The following SMAD9 variants were observed in gnomAD, a reference collection of about 807,000 sequenced individuals.
The protein encoded by SMAD9 is SMAD family member 9.
SMAD9 carries 36 observed loss-of-function variants against 46.1 expected under a neutral mutation model. The ratio of observed to expected loss-of-function variants is 0.78; its 90% CI spans 0.60 to 1.03. SMAD9 has a LOEUF of 1.03. Among genes scored for constraint, SMAD9 ranks in the 50% least tolerant of loss-of-function variants. The pLI is 0.00. For missense variants in SMAD9, 572 were observed against 599.8 expected (o/e 0.95, Z 0.48); for synonymous variants, 245 against 237.1 (o/e 1.03, Z -0.31).
intron 1 of SMAD9, among the ~76,000 whole-genome samples, chr13:36,893,539 T>C (rs948737974): frequency 6.6e-6 from 1 of 150,880 alleles, no homozygotes; most frequent in South Asian, 2.1e-4. Context: ...AACCCAAATA[T>C]CCATCGACTA....
At chr13:36,876,494 T>C (rs1566024421) in intron 2 of SMAD9, among the ~76,000 whole-genome samples, 1 of 152,258 alleles carries the variant, frequency 6.6e-6, no homozygotes, top group Non-Finnish European at 1.5e-5. Context: ...TCACAGCAAT[T>C]TGACAGAGTT....
chr13:36,856,908 T>A (rs572257425), intron 5 of SMAD9, among the ~76,000 whole-genome samples: 1 of 151,280 alleles, frequency 6.6e-6, no homozygotes, highest in East Asian at 2.0e-4. Flanking sequence ...GTTCAAGCGA[T>A]TCTCCTGCAT....
At chr13:36,902,853 G>A (rs57022862) in intron 1 of SMAD9, among the ~76,000 whole-genome samples, 3,848 of 152,178 alleles carry the variant, frequency 0.025, 155 homozygotes, top group African/African-American at 0.088. Flanking sequence ...GGATATGGAC[G>A]TTTGTCCATT....
intron 3 of SMAD9, among the ~76,000 whole-genome samples, chr13:36,868,257 T>G (rs535567098): frequency 6.6e-6 from 1 of 152,320 alleles, no homozygotes; most frequent in Non-Finnish European, 1.5e-5. Context: ...AGTGGTTGAA[T>G]GTAGCCATGT....
chr13:36,902,585 C>G (rs2058585416), intron 1 of SMAD9, among the ~76,000 whole-genome samples: 1 of 151,982 alleles, frequency 6.6e-6, no homozygotes, highest in African/African-American at 2.4e-5. Context: ...TCCCAAGTAG[C>G]TGAGACTATA....
intron 6 of SMAD9, among the ~76,000 whole-genome samples, chr13:36,850,675 G>A (rs187316018): frequency 5.6e-4 from 85 of 152,232 alleles, no homozygotes; most frequent in African/African-American, 1.9e-3. Flanking sequence ...CACCACGCCC[G>A]GCTCTTCTCA....
At chr13:36,913,507 A>G (rs1345648211) in intron 1 of SMAD9, among the ~76,000 whole-genome samples, 1 of 152,216 alleles carries the variant, frequency 6.6e-6, no homozygotes, top group East Asian at 1.9e-4. Context: ...ACCCCAAGAT[A>G]TAATCAATAC....
intron 2 of SMAD9, among the ~76,000 whole-genome samples, chr13:36,875,417 G>A (rs1033836137): frequency 6.6e-6 from 1 of 152,182 alleles, no homozygotes; most frequent in African/African-American, 2.4e-5. Flanking sequence ...GGGTGGCAGA[G>A]AAACAAATAA....
chr13:36,920,754 T>C (rs2058739426), upstream of SMAD9: 1 of 152,358 alleles, frequency 6.6e-6, no homozygotes, highest in Non-Finnish European at 1.5e-5. Flanking sequence ...TCCTCACATG[T>C]TTCTGGGCCC....
At chr13:36,868,318 A>C (rs933536467) in intron 3 of SMAD9, among the ~76,000 whole-genome samples, 5 of 152,250 alleles carry the variant, frequency 3.3e-5, no homozygotes, top group Non-Finnish European at 7.3e-5. Context: ...CGTGGACCAT[A>C]CTAGGAAACC....
chr13:36,885,875 AG>A (rs1185323357), intron 1 of SMAD9, among the ~76,000 whole-genome samples: 1 of 152,160 alleles, frequency 6.6e-6, no homozygotes, highest in Non-Finnish European at 1.5e-5. Context: ...ACACTGAATT[AG>A]AAAAAGGGGG....
intron 1 of SMAD9, among the ~76,000 whole-genome samples, chr13:36,881,206 T>C (rs968892948): frequency 6.6e-6 from 1 of 152,196 alleles, no homozygotes; most frequent in African/African-American, 2.4e-5. Flanking sequence ...TTCTGTGAAA[T>C]AGTTGGCTTA....
chr13:36,865,230 A>G (rs533656789), intron 5 of SMAD9, among the ~76,000 whole-genome samples: 3 of 152,372 alleles, frequency 2.0e-5, no homozygotes, highest in South Asian at 2.1e-4. Context: ...AAAATAATGC[A>G]TAACACTTCT....
At chr13:36,906,165 T>C (rs1017395463) in intron 1 of SMAD9, among the ~76,000 whole-genome samples, 13 of 152,146 alleles carry the variant, frequency 8.5e-5, no homozygotes, top group Admixed American at 2.6e-4. Context: ...TGCTGTGTCA[T>C]TGAATGTTAT....
Position 36,865,715 on chromosome 13 carries a change from C to T in SMAD9, c.825G>A (p.Ser275=), listed in dbSNP as rs374907507. The part of the protein sequence containing the change: ...VCYEEPQHWC[S]VAYYELNNRV... ...GGTTGTTCAGTTCATAGTAGGCGAC[C>T]GAGCACCAGTGCTGGGGCTCCTCGT... is the stretch of plus-strand genomic sequence containing the variant. The change falls in exon 5 of 7, where the codon TCG becomes TCA. Residue 275 remains serine, a synonymous_variant. Coordinates refer to ENST00000379826, the MANE Select transcript of SMAD9 (RefSeq NM_001127217.3). 96 of 1,613,942 alleles carry T rather than the reference C, an allele frequency of 5.9e-5. No homozygotes were observed. The highest frequency in any genetic ancestry group is 8.8e-5 in the South Asian group (8 of 91,062).
At position 36,872,613 on chromosome 13, in the gene SMAD9, G is replaced by A. The variant is rs908786219; in HGVS notation, c.670+45C>T. The A allele has an allele frequency of 2.5e-6, 4 of 1,602,404 alleles. No individual in the cohort carries two copies. In the African/African-American group the frequency reaches 4.0e-5, roughly 16 times the overall value. On this transcript the variant is annotated intron_variant, in intron 3 of 6. Transcript: ENST00000379826. ...CTGTTCATCATAAATCATGATGTTGGGCTTATTTTCCCGTATTTCCCCACA... is the reference window on the plus strand; with the variant it reads ...CTGTTCATCATAAATCATGATGTTGAGCTTATTTTCCCGTATTTCCCCACA...
chr13:36,849,848 C>CA (rs2058060661), intron 6 of SMAD9: 1 of 152,210 alleles, frequency 6.6e-6, no homozygotes, highest in South Asian at 2.1e-4. Context: ...CCAGAGACAT[C>CA]ATTCCAGCAA....
intron 5 of SMAD9, among the ~76,000 whole-genome samples, chr13:36,858,521 C>T (rs1348236878): frequency 3.9e-5 from 6 of 152,194 alleles, no homozygotes; most frequent in African/African-American, 1.4e-4. Flanking sequence ...ACATGATAAA[C>T]AAGCTTGTTT....
At chr13:36,863,561 AAT>A (rs1434251152) in intron 5 of SMAD9, among the ~76,000 whole-genome samples, 1 of 152,140 alleles carries the variant, frequency 6.6e-6, no homozygotes, top group Non-Finnish European at 1.5e-5. Context: ...TCTGATTCTC[AAT>A]ATTGGAGGTG....
Sources: gnomAD v4.1 joint callset for allele counts (sites outside exome capture counted in the v4.1 genomes callset) on GRCh38, gnomAD v4.1.1 for gene constraint, MANE v1.5 for transcripts, NCBI Gene and HGNC (gene_info 2026-07-23, HGNC 2026-07-21) for gene names.